IKBIP: variants seen among roughly 807,000 people sequenced by gnomAD.
The protein encoded by IKBIP is inhibitor of nuclear factor kappa-B kinase-interacting protein.
Under a neutral mutation model 31.0 loss-of-function variants are expected in IKBIP, and 28 were observed. The observed-to-expected ratio is 0.90, with a 90% CI of 0.67 to 1.24. The LOEUF (loss-of-function observed/expected upper bound fraction) is 1.24. Ranked by LOEUF, IKBIP falls within the 50% of genes most tolerant of loss-of-function variation. IKBIP has a pLI of 0.00. For missense variants in IKBIP, 453 were observed against 441.9 expected (o/e 1.03, Z -0.23); for synonymous variants, 164 against 160.3 (o/e 1.02, Z -0.17).
Position 98,624,632 on chromosome 12 carries a change from T to G in IKBIP, c.*1298A>C. 1.1e-6 allele frequency: 1 copy of G among 870,692 alleles called. No homozygotes were observed. Among genetic ancestry groups the G allele is most frequent in the East Asian group, 1.2e-4 (1 of 8,306 alleles). The allele number at this position is 870,692 out of a possible 1,614,324, so 53.9% of individuals were successfully genotyped here. A position where few individuals can be genotyped will look rare whatever the true frequency, so the allele number is the denominator to read the frequency against. The stretch of plus-strand genomic sequence containing the variant: ...ACAAGAACAAACTTCCATATTGCAG[T>G]TGACTACATTATATAATTTCAAATA... On this transcript the variant is annotated 3_prime_UTR_variant, in exon 3 of 3. Coordinates refer to ENST00000299157, the MANE Select transcript of IKBIP (RefSeq NM_153687.4).
chr12:98,634,834 C>T (rs565633552), intron 1 of IKBIP, among the ~76,000 whole-genome samples: 81 of 151,654 alleles, frequency 5.3e-4, no homozygotes, highest in Admixed American at 4.8e-3. Context: ...CTCAGCCTCC[C>T]GAGTAGCTAC....
At chr12:98,627,271 C>CA (rs1401178474) in intron 2 of IKBIP, among the ~76,000 whole-genome samples, 2 of 136,870 alleles carry the variant, frequency 1.5e-5, no homozygotes, top group African/African-American at 5.2e-5. Flanking sequence ...GCCTGGCCAG[C>CA]ACTATGTTAA....
chr12:98,634,681 T>G (rs1424526081), intron 1 of IKBIP, among the ~76,000 whole-genome samples: 1 of 150,848 alleles, frequency 6.6e-6, no homozygotes, highest in Non-Finnish European at 1.5e-5. Flanking sequence ...ACTGTCCATC[T>G]CGCTATGTTG....
chr12:98,618,591 A>T (rs976412071), intron 2 of IKBIP, among the ~76,000 whole-genome samples: 6 of 149,668 alleles, frequency 4.0e-5, no homozygotes, highest in Non-Finnish European at 5.9e-5. Context: ...GTGCCACTGC[A>T]CTCCAGCCTG....
At position 98,625,309 on chromosome 12, in the gene IKBIP, A is replaced by G; in HGVS notation, c.*621T>C. The G allele has an allele frequency of 2.0e-6, 2 of 982,440 alleles. No homozygotes were observed. Among genetic ancestry groups the G allele is most frequent in the Non-Finnish European group, 2.4e-6 (2 of 827,198 alleles). 60.9% of individuals were successfully genotyped at this position (982,440 alleles called of 1,614,324 possible). On this transcript the variant is annotated 3_prime_UTR_variant, in exon 3 of 3. Transcript: ENST00000299157. ...AGTTTAGAACCTTAACAAAAACTAA[A>G]ATGTTTCCCAGGCTTTAGAGTTTTC...
chr12:98,613,857 G>T, exon 3 of IKBIP: 1 of 1,612,988 alleles, frequency 6.2e-7, no homozygotes, highest in South Asian at 1.1e-5. Context: ...TCTAAGCTTA[G>T]AAATCTATCT....
intron 1 of IKBIP, among the ~76,000 whole-genome samples, chr12:98,635,213 G>A (rs2097624775): frequency 6.6e-6 from 1 of 151,570 alleles, no homozygotes; most frequent in Non-Finnish European, 1.5e-5. Context: ...CACCATGTTG[G>A]CTAGGCTGGT....
rs1291782144 is a variant in IKBIP, at chr12:98,616,304, T to C, written c.298-1964A>G. ...CATTACTATGTCTTCTTTTGAGAAA[T>C]GTCTATTCATGTCCATAGCCCATTG... On this transcript the variant is annotated intron_variant, in intron 2 of 2. Coordinates refer to the IKBIP transcript ENST00000342502. Among the ~76,000 whole-genome samples, 5 of 152,192 alleles carry C rather than the reference T, an allele frequency of 3.3e-5. No homozygotes were observed. In the East Asian group the frequency reaches 7.7e-4, roughly 23 times the overall value.
chr12:98,632,497 AAAAAAAAAAAAAAAAAT>A (rs1418073725), intron 2 of IKBIP, among the ~76,000 whole-genome samples: 1 of 60,524 alleles, frequency 1.7e-5, no homozygotes, highest in African/African-American at 7.2e-5. Context: ...AAAAAAAAAA[AAAAAAAAAAAAAAAAAT>A]ATATATATAT....
chr12:98,633,214 A>C (rs903835538), intron 2 of IKBIP, among the ~76,000 whole-genome samples: 2 of 152,124 alleles, frequency 1.3e-5, no homozygotes, highest in Admixed American at 6.5e-5. Flanking sequence ...TGAATGAATA[A>C]ATGAACAAAA....
At chr12:98,641,597 G>A (rs2153301218) in intron 1 of IKBIP, among the ~76,000 whole-genome samples, 1 of 152,226 alleles carries the variant, frequency 6.6e-6, no homozygotes, top group South Asian at 2.1e-4. Flanking sequence ...TTTCACAAGA[G>A]CAACTAAGAG....
chr12:98,615,608 C>T (rs2097605849), intron 2 of IKBIP, among the ~76,000 whole-genome samples: 1 of 152,162 alleles, frequency 6.6e-6, no homozygotes, highest in African/African-American at 2.4e-5. Flanking sequence ...CTTATTCATC[C>T]TGTTTAACTG....
chr12:98,613,775 TTTAGA>T lies in IKBIP; in HGVS notation c.858_862del (p.Asn286LysfsTer13). 6.2e-7 allele frequency: 1 copy of T among 1,611,318 alleles called. No homozygotes were observed. The stretch of plus-strand genomic sequence containing the variant: ...TGGTTCTAAACGGGAAAAGTCCTTC[TTTAGA>T]TTATACACCTTTGGTTTTAGATCAT... On this transcript the variant is annotated frameshift_variant, in exon 3 of 3. Transcript: ENST00000342502. LOFTEE classifies it high-confidence loss of function.
At chr12:98,633,753 G>A (rs1269054796) in intron 2 of IKBIP, among the ~76,000 whole-genome samples, 5 of 151,968 alleles carry the variant, frequency 3.3e-5, no homozygotes, top group Non-Finnish European at 7.4e-5. Context: ...CTGACCTCAA[G>A]TGATTTGCCT....
Position 98,632,919 on chromosome 12 carries a change from C to T in IKBIP, c.297+1377G>A, listed in dbSNP as rs78005389. Among the ~76,000 whole-genome samples, 1,494 of 152,206 alleles carry T rather than the reference C, an allele frequency of 9.8e-3. 19 individuals are homozygous for T. The highest frequency in any genetic ancestry group is 0.034 in the African/African-American group (1,432 of 41,536). On this transcript the variant is annotated intron_variant, in intron 2 of 2. Transcript: ENST00000299157. ...CTGGGATTACAGGCATGAGCCACTACGCCTGGCTCAGATTCCAATTTGAGC... is the reference window on the plus strand; with the variant it reads ...CTGGGATTACAGGCATGAGCCACTATGCCTGGCTCAGATTCCAATTTGAGC...
downstream of IKBIP, among the ~76,000 whole-genome samples, chr12:98,622,865 C>G (rs1244415872): frequency 1.4e-5 from 2 of 144,302 alleles, no homozygotes; most frequent in African/African-American, 5.8e-5. Context: ...GATCATTAAG[C>G]AAAATTTAAG....
chr12:98,628,429 C>T (rs1228267710), intron 2 of IKBIP, among the ~76,000 whole-genome samples: 1 of 152,188 alleles, frequency 6.6e-6, no homozygotes, highest in Non-Finnish European at 1.5e-5. Context: ...CCTAATACTT[C>T]TAGGATAAAG....
In IKBIP at chr12:98,625,725, T is replaced by G. The variant is rs1459195158; in HGVS notation, c.*205A>C. 4 of 312,612 alleles carry G rather than the reference T, an allele frequency of 1.3e-5. No homozygotes were observed. The East Asian group carries it at 1.6e-4, about 13-fold the overall frequency. 19.4% of individuals were successfully genotyped at this position (312,612 alleles called of 1,614,324 possible). A position where few individuals can be genotyped will look rare whatever the true frequency, so the allele number is the denominator to read the frequency against. On this transcript the variant is annotated 3_prime_UTR_variant, in exon 3 of 3. Transcript: ENST00000299157. The stretch of plus-strand genomic sequence containing the variant: ...AAGTAGAGAAATATTTTTAAAGAAC[T>G]ATTTCTATTTCAAATAGTTACAATG...
At chr12:98,642,247 C>T (rs2097631154) in intron 1 of IKBIP, among the ~76,000 whole-genome samples, 1 of 152,166 alleles carries the variant, frequency 6.6e-6, no homozygotes, top group African/African-American at 2.4e-5. Context: ...CTGCAACCTC[C>T]ACCTCCCAGG....
Sources: gnomAD v4.1 joint callset for allele counts (sites outside exome capture counted in the v4.1 genomes callset) on GRCh38, gnomAD v4.1.1 for gene constraint, MANE v1.5 for transcripts, NCBI Gene and HGNC (gene_info 2026-07-23, HGNC 2026-07-21) for gene names.